SLC12A1: variants seen among roughly 807,000 people sequenced by gnomAD.
SLC12A1 encodes the protein Na-K-2Cl cotransporter.
In SLC12A1, 89 loss-of-function variants were observed where a neutral mutation model predicts 130.4. That is an observed-to-expected ratio of 0.68 (90% confidence interval 0.58 to 0.81). The LOEUF (loss-of-function observed/expected upper bound fraction) is 0.81, where lower values mean the gene tolerates loss of function less well. Ranked by LOEUF, SLC12A1 falls within the 40% of genes least tolerant of loss-of-function variation. The pLI is 0.00. For missense variants in SLC12A1, 1,310 were observed against 1,336.4 expected (o/e 0.98, Z 0.31); for synonymous variants, 499 against 460.0 (o/e 1.08, Z -1.09).
intron 18 of SLC12A1, among the ~76,000 whole-genome samples, chr15:48,269,299 G>A (rs1036869692): frequency 6.6e-6 from 1 of 152,144 alleles, no homozygotes; most frequent in South Asian, 2.1e-4. Flanking sequence ...GATATAACAG[G>A]TGGAATTGAG....
At chr15:48,229,468 A>G (rs2041341956) in intron 6 of SLC12A1, 140 bp downstream of exon 6, 3 of 821,540 alleles carry the variant, frequency 3.7e-6, no homozygotes, top group Non-Finnish European at 5.5e-6. Flanking sequence ...GCTTGGCATC[A>G]GAAGATCTGG....
chr15:48,245,468 T>C (rs973548623), intron 11 of SLC12A1, among the ~76,000 whole-genome samples: 1 of 152,192 alleles, frequency 6.6e-6, no homozygotes, highest in Non-Finnish European at 1.5e-5. Context: ...TGCCACTCTA[T>C]GTTCATGAGT....
At chr15:48,291,964 G>A in intron 24 of SLC12A1, 100 bp downstream of exon 24, 1 of 758,424 alleles carries the variant, frequency 1.3e-6, no homozygotes, top group Admixed American at 2.5e-5. Context: ...ATTTACTGCA[G>A]CGACTTCTTG....
intron 2 of SLC12A1, among the ~76,000 whole-genome samples, chr15:48,216,339 A>G (rs1026145179): frequency 2.6e-5 from 4 of 152,214 alleles, no homozygotes; most frequent in Non-Finnish European, 5.9e-5. Context: ...TTCATTTTAG[A>G]GGAAATTTTA....
intron 9 of SLC12A1, among the ~76,000 whole-genome samples, chr15:48,239,515 A>AAAATAAAT (rs10530478): frequency 0.17 from 24,452 of 143,482 alleles, 2,237 homozygotes; most frequent in Middle Eastern, 0.23. Flanking sequence ...AACCCATCTC[A>AAAATAAAT]AAATAAATAA....
intron 14 of SLC12A1, among the ~76,000 whole-genome samples, chr15:48,250,854 C>T (rs897865940): frequency 6.6e-6 from 1 of 152,068 alleles, no homozygotes; most frequent in South Asian, 2.1e-4. Flanking sequence ...TAAAACATAC[C>T]CCATTCATTA....
At chr15:48,287,506 C>T (rs957110231) in intron 21 of SLC12A1, among the ~76,000 whole-genome samples, 2 of 152,132 alleles carry the variant, frequency 1.3e-5, no homozygotes, top group African/African-American at 2.4e-5. Context: ...AAGATGCACA[C>T]AGTCCCTGGC....
intron 16 of SLC12A1, among the ~76,000 whole-genome samples, chr15:48,257,893 A>G (rs973653809): frequency 1.3e-5 from 2 of 152,156 alleles, no homozygotes; most frequent in Admixed American, 6.5e-5. Flanking sequence ...TCCCCAGAAC[A>G]TGGTTTTTTC....
intron 15 of SLC12A1, among the ~76,000 whole-genome samples, chr15:48,255,306 C>G (rs189460456): frequency 6.6e-6 from 1 of 151,922 alleles, no homozygotes; most frequent in South Asian, 2.1e-4. Flanking sequence ...GACATGTTGG[C>G]GGGTGCCTGT....
At chr15:48,218,987 G>A (rs1450379151) in intron 2 of SLC12A1, among the ~76,000 whole-genome samples, 1 of 152,132 alleles carries the variant, frequency 6.6e-6, no homozygotes, top group Non-Finnish European at 1.5e-5. Flanking sequence ...TAATGAGAAT[G>A]GAAGTCTTTT....
chr15:48,233,626 C>T (rs144365222), intron 8 of SLC12A1, among the ~76,000 whole-genome samples: 7 of 152,256 alleles, frequency 4.6e-5, no homozygotes, highest in African/African-American at 1.7e-4. Flanking sequence ...TTCCCTCTAG[C>T]TTACTCAAGA....
At chr15:48,287,419 T>C (rs958085492) in intron 21 of SLC12A1, among the ~76,000 whole-genome samples, 2 of 152,178 alleles carry the variant, frequency 1.3e-5, no homozygotes, top group Non-Finnish European at 2.9e-5. Flanking sequence ...GGCTTTACTT[T>C]AGCTTCGCAA....
Position 48,285,086 on chromosome 15 carries a change from A to T in SLC12A1, c.2486-20A>T, listed in dbSNP as rs2042043237. The T allele has an allele frequency of 3.9e-6, 6 of 1,547,246 alleles. No homozygotes were observed. In the Admixed American group the frequency reaches 1.2e-4, roughly 31 times the overall value. ...TTTGTAGTTCTGAGTTAAGTAGGTG[A>T]TTTTGTCTTCTTTCATCAGAGGAAT... is the stretch of plus-strand genomic sequence containing the variant. On this transcript the variant is annotated intron_variant, in intron 20 of 26. Coordinates refer to ENST00000380993, the MANE Select transcript of SLC12A1 (RefSeq NM_000338.3).
intron 19 of SLC12A1, among the ~76,000 whole-genome samples, chr15:48,270,342 A>T (rs2041879779): frequency 6.6e-6 from 1 of 152,168 alleles, no homozygotes; most frequent in African/African-American, 2.4e-5. Context: ...TTAAAGGACT[A>T]GCAGGCTGCA....
chr15:48,302,960 T>C lies in SLC12A1; in HGVS notation c.*75T>C, dbSNP rs2042252476. On this transcript the variant is annotated 3_prime_UTR_variant, in exon 27 of 27. Transcript: ENST00000380993. Reference sequence around the variant, plus strand: ...AAACATGTTCCAGTACTTTATGTTGTAAATCTGATCTATGGATATGCAAAC... The same window carrying C: ...AAACATGTTCCAGTACTTTATGTTGCAAATCTGATCTATGGATATGCAAAC... The C allele has an allele frequency of 2.6e-6, 3 of 1,171,222 alleles. No individual in the cohort carries two copies. Among genetic ancestry groups the C allele is most frequent in the Non-Finnish European group, 2.4e-6 (2 of 818,074 alleles). The allele number at this position is 1,171,222 out of a possible 1,614,324, so 72.6% of individuals were successfully genotyped here. A position where few individuals can be genotyped will look rare whatever the true frequency, so the allele number is the denominator to read the frequency against.
intron 10 of SLC12A1, among the ~76,000 whole-genome samples, chr15:48,243,661 AAAAC>A (rs1407884833): frequency 2.6e-5 from 4 of 152,334 alleles, no homozygotes; most frequent in African/African-American, 7.2e-5. Context: ...CTCAAAAACA[AAAAC>A]AAACAAACAA....
intron 9 of SLC12A1, chr15:48,236,902 T>C (rs923938905): frequency 1.7e-6 from 1 of 586,538 alleles, no homozygotes; most frequent in Non-Finnish European, 3.0e-6. Flanking sequence ...GCTCTTTCTT[T>C]AGACTCCTTA....
intron 17 of SLC12A1, among the ~76,000 whole-genome samples, chr15:48,266,079 A>G (rs1188790690): frequency 2.0e-5 from 3 of 152,242 alleles, no homozygotes; most frequent in African/African-American, 4.8e-5. Context: ...CAAATGTTCA[A>G]TAGCAGCATG....
intron 5 of SLC12A1, chr15:48,227,213 A>G (rs2041301458): frequency 1.6e-6 from 2 of 1,252,558 alleles, no homozygotes; most frequent in South Asian, 1.3e-5. Flanking sequence ...AGGCTTGGTT[A>G]CTAGTAATGT....
Sources: allele counts gnomAD v4.1 joint callset (sites outside exome capture counted in the v4.1 genomes callset), GRCh38; gene constraint gnomAD v4.1.1; transcripts MANE v1.5; gene names NCBI Gene and HGNC (gene_info 2026-07-23, HGNC 2026-07-21).